KY: variants seen among roughly 807,000 people sequenced by gnomAD.
The protein encoded by KY is kyphoscoliosis peptidase.
KY carries 43 observed loss-of-function variants against 76.1 expected under a neutral mutation model. The observed-to-expected ratio is 0.57, with a 90% CI of 0.44 to 0.73. KY has a LOEUF of 0.73. KY is among the 30% of genes least tolerant of loss of function. The probability of loss-of-function intolerance (pLI) is 0.00; values close to 1 mark genes in which losing one functional copy is unlikely to be tolerated. For synonymous variants in KY, 277 were observed against 326.2 expected (o/e 0.85, Z 1.63); for missense variants, 722 against 828.9 (o/e 0.87, Z 1.58).
intron 5 of KY, among the ~76,000 whole-genome samples, chr3:134,626,494 T>G (rs1262236309): frequency 6.6e-6 from 1 of 152,096 alleles, no homozygotes; most frequent in African/African-American, 2.4e-5. Flanking sequence ...GCTGTGGGGC[T>G]CCTCTGCAGG....
intron 3 of KY, among the ~76,000 whole-genome samples, chr3:134,642,142 T>C (rs1290024457): frequency 6.6e-6 from 1 of 152,182 alleles, no homozygotes; most frequent in Non-Finnish European, 1.5e-5. Flanking sequence ...AGCTCCCCCA[T>C]GCTGGTAATC....
chr3:134,643,421 A>T lies in KY; in HGVS notation c.200-43T>A, dbSNP rs752663471. On this transcript the variant is annotated intron_variant, in intron 2 of 10. Transcript: ENST00000423778. ...AGAGGCCTGCAGTGACCACTGGGGA[A>T]TTTTCCCCAGGCAGAGCAAAGAGCT... The T allele has an allele frequency of 1.9e-5, 29 of 1,566,270 alleles. No individual in the cohort carries two copies. In the East Asian group the frequency reaches 5.6e-4, roughly 30 times the overall value.
intron 1 of KY, among the ~76,000 whole-genome samples, chr3:134,648,893 G>T (rs1966753472): frequency 6.6e-6 from 1 of 152,198 alleles, no homozygotes; most frequent in Non-Finnish European, 1.5e-5. Flanking sequence ...TCTGGAGTGT[G>T]GAGGAGAAAG....
At chr3:134,622,548 G>A (rs1336738771) in intron 6 of KY, among the ~76,000 whole-genome samples, 1 of 152,176 alleles carries the variant, frequency 6.6e-6, no homozygotes, top group African/African-American at 2.4e-5. Context: ...ATTACCAGGG[G>A]CTGGGGGAGG....
chr3:134,637,897 C>T (rs1053808980), intron 3 of KY, among the ~76,000 whole-genome samples: 9 of 152,254 alleles, frequency 5.9e-5, no homozygotes, highest in African/African-American at 1.7e-4. Context: ...GGCTCATGTT[C>T]GGAGCACGGC....
rs111658377 is a variant in KY at position 134,607,424 on chromosome 3, C to T, written c.1090+1225G>A. The T allele has an allele frequency of 1.5e-4, 143 of 985,650 alleles. 2 individuals are homozygous for T. The African/African-American group carries it at 2.3e-3, about 16-fold the overall frequency. 61.1% of individuals were successfully genotyped at this position (985,650 alleles called of 1,614,324 possible). ...TCCCCAGGGGCTCTGGGCCCACCCA[C>T]AGGCACCCTGTGCTAATAGTCAGTG... is the stretch of plus-strand genomic sequence containing the variant. On this transcript the variant is annotated intron_variant, in intron 10 of 10. Transcript: ENST00000423778.
At chr3:134,605,122 A>G (rs1490046541) in intron 10 of KY, among the ~76,000 whole-genome samples, 1 of 150,448 alleles carries the variant, frequency 6.6e-6, no homozygotes, top group African/African-American at 2.5e-5. Flanking sequence ...CCACACTGCC[A>G]CCCCCCATCT....
rs1458041541 is a variant in KY, at chr3:134,643,355, G to A, written c.223C>T (p.Pro75Ser). 31 of 1,613,738 alleles carry A rather than the reference G, an allele frequency of 1.9e-5. No individual in the cohort carries two copies. The highest frequency in any genetic ancestry group is 2.7e-5 in the African/African-American group (2 of 74,896). Reference sequence around the variant, plus strand: ...GAAGTGATGACCTGGGGCTGCTGAGGGTGCTGCTTCTCCACCAAGTTTTCT... The same window carrying A: ...GAAGTGATGACCTGGGGCTGCTGAGAGTGCTGCTTCTCCACCAAGTTTTCT... The part of the protein sequence containing the change: ...FHENLVEKQH[P>S]QQPQVITSYN... The change falls in exon 3 of 11, where the codon CCT (proline) becomes TCT (serine). Residue 75 changes from proline (P) to serine (S), a missense_variant. By Grantham distance (74) the Pro-to-Ser change is moderately conservative (BLOSUM62 -1). This residue lies in a region of KY where 170 missense variants were observed against 148.1 expected (regional missense o/e 1.15). Transcript: ENST00000423778.
chr3:134,615,370 T>TC (rs1553808217), intron 8 of KY: 3 of 149,836 alleles, frequency 2.0e-5, no homozygotes, highest in Middle Eastern at 3.5e-3. Flanking sequence ...TTTTTTTTTT[T>TC]CACGTGTGAA....
intron 1 of KY, 65 bp from the exon 2 acceptor site, chr3:134,647,562 G>T: frequency 1.0e-6 from 1 of 960,698 alleles, no homozygotes; most frequent in Non-Finnish European, 1.7e-6. Context: ...ACCAGTTGCA[G>T]ACTTATCTAG....
chr3:134,648,067 G>T (rs1966642675), intron 1 of KY, among the ~76,000 whole-genome samples: 1 of 152,244 alleles, frequency 6.6e-6, no homozygotes, highest in South Asian at 2.1e-4. Flanking sequence ...GGGAAGGAAA[G>T]CTCTCGCTCT....
chr3:134,611,533 C>T (rs2107779838), intron 8 of KY, among the ~76,000 whole-genome samples: 1 of 152,378 alleles, frequency 6.6e-6, no homozygotes, highest in East Asian at 1.9e-4. Flanking sequence ...AGAAAAGGTT[C>T]CCCTTCCTCA....
chr3:134,646,210 C>G (rs1966417903), intron 2 of KY, among the ~76,000 whole-genome samples: 1 of 152,174 alleles, frequency 6.6e-6, no homozygotes, highest in Non-Finnish European at 1.5e-5. Flanking sequence ...TTAGCTTTGG[C>G]GTCTACTTCA....
At position 134,604,680 on chromosome 3, in the gene KY, G is replaced by A. The variant is rs6806810; in HGVS notation, c.1091-206C>T. ...TGGCATCAGCCAGCGGCAGCACACC[G>A]CTGGAAGGGTTCCCTGCTCCCTTCA... On this transcript the variant is annotated intron_variant, in intron 10 of 10. Coordinates refer to ENST00000423778, the MANE Select transcript of KY (RefSeq NM_178554.6). Among the ~76,000 whole-genome samples the A allele has an allele frequency of 0.63, 95,751 of 152,102 alleles. 30,659 individuals carry two copies. The highest frequency in any genetic ancestry group is 0.87 in the East Asian group (4,492 of 5,164).
chr3:134,610,816 G>C (rs1046884890), intron 8 of KY: 1 of 155,750 alleles, frequency 6.4e-6, no homozygotes, highest in African/African-American at 2.4e-5. Flanking sequence ...GGCGAGCACA[G>C]CTGCTGGGAG....
intron 3 of KY, among the ~76,000 whole-genome samples, chr3:134,637,664 C>T (rs186781090): frequency 6.6e-6 from 1 of 152,348 alleles, no homozygotes; most frequent in East Asian, 1.9e-4. Context: ...TTCACACGCA[C>T]ATCTGACAGT....
At chr3:134,633,114 T>C (rs1410624364) in intron 3 of KY, among the ~76,000 whole-genome samples, 2 of 152,106 alleles carry the variant, frequency 1.3e-5, no homozygotes, top group Admixed American at 1.3e-4. Flanking sequence ...ATTAAACTTG[T>C]AGTTTAAAAT....
intron 8 of KY, chr3:134,615,057 T>A (rs1471617432): frequency 1.3e-5 from 2 of 152,252 alleles, no homozygotes; most frequent in African/African-American, 4.8e-5. Flanking sequence ...ACAATTTATG[T>A]ACTTGATTTC....
In KY at chr3:134,604,347, AG is replaced by A; in HGVS notation, c.1217del (p.Pro406LeufsTer59). 2 of 1,613,962 alleles carry A rather than the reference AG, an allele frequency of 1.2e-6. No individual in the cohort carries two copies. The highest frequency in any genetic ancestry group is 1.7e-6 in the Non-Finnish European group (2 of 1,179,872). On this transcript the variant is annotated frameshift_variant, in exon 11 of 11. Coordinates refer to ENST00000423778, the MANE Select transcript of KY (RefSeq NM_178554.6). LOFTEE classifies it high-confidence loss of function. ...GCAGCTTGTGAGTGCCCATGGTTGGAGGGTACACCTCCAACTTCATCCCATT... is the reference window on the plus strand; with the variant it reads ...GCAGCTTGTGAGTGCCCATGGTTGGAGGTACACCTCCAACTTCATCCCATT... ...RKNGMKLEVY[P>X]PTMGTHKLQI...
Sources: gnomAD v4.1 joint callset for allele counts (sites outside exome capture counted in the v4.1 genomes callset) on GRCh38, gnomAD v4.1.1 for gene constraint, gnomAD v4.1.1 regional missense constraint, MANE v1.5 for transcripts, NCBI Gene and HGNC (gene_info 2026-07-23, HGNC 2026-07-21) for gene names.